The following CHRNA7 variants were observed in gnomAD, a reference collection of about 807,000 sequenced individuals.
The protein encoded by CHRNA7 is cholinergic receptor nicotinic alpha 7 subunit, also known as neuronal acetylcholine receptor subunit alpha-7.
Under a neutral mutation model 48.0 loss-of-function variants are expected in CHRNA7, and 17 were observed. The observed-to-expected ratio is 0.35, with a 90% CI of 0.24 to 0.53. CHRNA7 has a LOEUF of 0.53. Ranked by LOEUF, CHRNA7 falls within the 20% of genes least tolerant of loss-of-function variation. The probability of loss-of-function intolerance (pLI) is 0.92; values close to 1 mark genes in which losing one functional copy is unlikely to be tolerated. For synonymous variants in CHRNA7, 75 were observed against 242.3 expected, an observed-to-expected ratio of 0.31 and a Z score of 6.41; for missense variants, 155 against 577.7, an observed-to-expected ratio of 0.27 and a Z score of 7.50.
In CHRNA7 at chr15:32,030,557, G is replaced by T. The variant is rs775395231; in HGVS notation, c.-38G>T. 1.4e-6 allele frequency: 2 copies of T among 1,456,720 alleles called. No individual in the cohort carries two copies. Among genetic ancestry groups the T allele is most frequent in the African/African-American group, 1.5e-5 (1 of 67,758 alleles). The allele number at this position is 1,456,720 out of a possible 1,614,324, so 90.2% of individuals were successfully genotyped here. ...CGCAGGCCCGGGCGACAGCCGAGACGTGGAGCGCGCCGGCTCGCTGCAGCT... is the reference window on the plus strand; with the variant it reads ...CGCAGGCCCGGGCGACAGCCGAGACTTGGAGCGCGCCGGCTCGCTGCAGCT... On this transcript the variant is annotated 5_prime_UTR_variant, in exon 1 of 10. Coordinates refer to ENST00000306901, the MANE Select transcript of CHRNA7 (RefSeq NM_000746.6).
chr15:32,065,811 G>A (rs577362482), intron 2 of CHRNA7, among the ~76,000 whole-genome samples: 44 of 152,068 alleles, frequency 2.9e-4, no homozygotes, highest in Non-Finnish European at 4.9e-4. Flanking sequence ...TGTGGAAGGT[G>A]TGTCACAGCA....
chr15:32,152,763 A>AT (rs1352037577), intron 4 of CHRNA7, among the ~76,000 whole-genome samples: 1 of 152,098 alleles, frequency 6.6e-6, no homozygotes, highest in Non-Finnish European at 1.5e-5. Flanking sequence ...GGATTGATTG[A>AT]TTTGTGTTTG....
chr15:32,062,554 T>G (rs1004785915), intron 2 of CHRNA7, among the ~76,000 whole-genome samples: 5 of 152,192 alleles, frequency 3.3e-5, no homozygotes, highest in African/African-American at 1.2e-4. Flanking sequence ...AGACATCTTT[T>G]GAAGCATTTT....
chr15:32,039,584 ACT>A (rs2049411291), intron 2 of CHRNA7, among the ~76,000 whole-genome samples: 1 of 152,110 alleles, frequency 6.6e-6, no homozygotes, highest in Admixed American at 6.5e-5. Context: ...TCTTTCTGTT[ACT>A]GATTTCTAGT....
chr15:32,132,369 G>A (rs1037877279), intron 4 of CHRNA7, among the ~76,000 whole-genome samples: 2 of 152,102 alleles, frequency 1.3e-5, no homozygotes, highest in Non-Finnish European at 2.9e-5. Flanking sequence ...CTGTCACAAA[G>A]GTGTGATCCC....
chr15:32,154,012 TC>T (rs2051690669), intron 5 of CHRNA7, 26 bp downstream of exon 5: 2 of 519,754 alleles, frequency 3.8e-6, no homozygotes, highest in East Asian at 6.0e-5. Context: ...TTTGTCCTCT[TC>T]CAGTTAGAAA....
chr15:32,153,312 C>G (rs961429875), intron 4 of CHRNA7: 1 of 150,232 alleles, frequency 6.7e-6, no homozygotes, highest in African/African-American at 2.5e-5. Flanking sequence ...GTCCCAGCTA[C>G]TCGGGAAGCT....
intron 2 of CHRNA7, among the ~76,000 whole-genome samples, chr15:32,057,761 T>C (rs4779971): frequency 0.6 from 91,977 of 152,072 alleles, 31,802 homozygotes; most frequent in Non-Finnish European, 0.77. Flanking sequence ...AGAAAATTTC[T>C]TGATTAAAAG....
chr15:32,105,512 AG>A (rs1412144209), intron 3 of CHRNA7, among the ~76,000 whole-genome samples: 1 of 150,814 alleles, frequency 6.6e-6, no homozygotes, highest in African/African-American at 2.5e-5. Flanking sequence ...AAGGAGGAGG[AG>A]GAGGAGGAAA....
At chr15:32,136,181 G>A (rs2051253038) in intron 4 of CHRNA7, among the ~76,000 whole-genome samples, 1 of 152,102 alleles carries the variant, frequency 6.6e-6, no homozygotes, top group Admixed American at 6.6e-5. Flanking sequence ...TAATAATGAT[G>A]AATTTGAGAG....
At position 32,096,758 on chromosome 15, in the gene CHRNA7, G is replaced by A. The variant is rs1323652315; in HGVS notation, c.196-4545G>A. On this transcript the variant is annotated intron_variant, in intron 2 of 9. Coordinates refer to ENST00000306901, the MANE Select transcript of CHRNA7 (RefSeq NM_000746.6). ...AAGATAGCACATTACGCATTACCAC[G>A]ACAGTTGTACTCTAAACCAGATAGA... is the stretch of plus-strand genomic sequence containing the variant. Among the ~76,000 whole-genome samples the A allele has an allele frequency of 3.9e-5, 6 of 152,176 alleles. No homozygotes were observed. The East Asian group carries it at 1.2e-3, about 29-fold the overall frequency.
intron 5 of CHRNA7, among the ~76,000 whole-genome samples, chr15:32,154,733 T>G (rs1197248516): frequency 7.6e-6 from 1 of 132,188 alleles, no homozygotes; most frequent in African/African-American, 3.1e-5. Flanking sequence ...CTGTTTAACT[T>G]TCTGCTCAGA....
chr15:32,115,453 A>T (rs1382300754), intron 4 of CHRNA7, among the ~76,000 whole-genome samples: 3 of 151,958 alleles, frequency 2.0e-5, no homozygotes, highest in African/African-American at 4.8e-5. Flanking sequence ...TCCTGCCTGG[A>T]CACACTGTGC....
chr15:32,036,597 T>C (rs1902099875), intron 2 of CHRNA7, among the ~76,000 whole-genome samples: 3 of 152,150 alleles, frequency 2.0e-5, no homozygotes, highest in African/African-American at 7.2e-5. Context: ...CAGCATTTGG[T>C]GTTGTCAGTG....
chr15:32,046,282 C>T (rs551876539), intron 2 of CHRNA7, among the ~76,000 whole-genome samples: 3 of 149,442 alleles, frequency 2.0e-5, no homozygotes, highest in Admixed American at 2.0e-4. Flanking sequence ...TACAGTCCCA[C>T]CAGCAGTGTA....
chr15:32,137,047 G>T (rs7171979), intron 4 of CHRNA7, among the ~76,000 whole-genome samples: 6 of 123,538 alleles, frequency 4.9e-5, no homozygotes, highest in Admixed American at 1.8e-4. Flanking sequence ...AAAAAAAAAA[G>T]AAAAAAAAAA....
intron 4 of CHRNA7, among the ~76,000 whole-genome samples, chr15:32,123,210 G>A (rs1296870505): frequency 6.6e-6 from 1 of 152,208 alleles, no homozygotes; most frequent in Non-Finnish European, 1.5e-5. Context: ...AGGGGACTAA[G>A]AAGTAGAAGA....
intron 2 of CHRNA7, among the ~76,000 whole-genome samples, chr15:32,095,393 T>G (rs1276028245): frequency 6.6e-6 from 1 of 152,232 alleles, no homozygotes; most frequent in East Asian, 1.9e-4. Flanking sequence ...GAGATAAAAC[T>G]AAGAAGCATT....
At chr15:32,066,561 T>A (rs1240740210) in intron 2 of CHRNA7, among the ~76,000 whole-genome samples, 2 of 152,228 alleles carry the variant, frequency 1.3e-5, no homozygotes, top group Non-Finnish European at 2.9e-5. Flanking sequence ...ATTACAGGCA[T>A]GAGCCACCAT....
Sources: gnomAD v4.1 joint callset for allele counts (sites outside exome capture counted in the v4.1 genomes callset) on GRCh38, gnomAD v4.1.1 for gene constraint, MANE v1.5 for transcripts, NCBI Gene and HGNC (gene_info 2026-07-23, HGNC 2026-07-21) for gene names.